PPP2R3B: variants seen among roughly 807,000 people sequenced by gnomAD.
The protein encoded by PPP2R3B is protein phosphatase 2 regulatory subunit B''beta, also known as serine/threonine-protein phosphatase 2A regulatory subunit B'' subunit beta.
A neutral mutation model predicts 72.9 loss-of-function variants in PPP2R3B; 68 were observed. The ratio of observed to expected loss-of-function variants is 0.93; its 90% CI spans 0.77 to 1.14. The LOEUF (loss-of-function observed/expected upper bound fraction) is 1.14, where lower values mean the gene tolerates loss of function less well. Ranked by LOEUF, PPP2R3B falls within the 50% of genes most tolerant of loss-of-function variation. The pLI is 0.00. For missense variants in PPP2R3B, 1,018 were observed against 842.0 expected, an observed-to-expected ratio of 1.21 and a Z score of -2.59; for synonymous variants, 466 against 375.8, an observed-to-expected ratio of 1.24 and a Z score of -2.78.
At chrX:341,450 C>A in intron 8 of PPP2R3B, 54 bp from the exon 9 acceptor site, 1 of 1,586,856 alleles carries the variant, frequency 6.3e-7, no homozygotes, top group South Asian at 1.1e-5. Flanking sequence ...GAGAGCTTCA[C>A]AGGAACGGAG....
chrX:357,606 C>T (rs2071462959), intron 2 of PPP2R3B, among the ~76,000 whole-genome samples: 1 of 151,986 alleles, frequency 6.6e-6, no homozygotes, highest in African/African-American at 2.4e-5. Context: ...GTAAATCGTA[C>T]AAGACAAGGA....
intron 2 of PPP2R3B, among the ~76,000 whole-genome samples, chrX:352,036 G>C (rs1441095853): frequency 1.3e-5 from 2 of 152,154 alleles, no homozygotes; most frequent in Non-Finnish European, 2.9e-5. Context: ...CTGAGCGGGA[G>C]AGTGCTGGGC....
At chrX:350,073 G>C (rs1391851218) in intron 2 of PPP2R3B, among the ~76,000 whole-genome samples, 5 of 152,216 alleles carry the variant, frequency 3.3e-5, no homozygotes, top group Non-Finnish European at 7.3e-5. Flanking sequence ...CCAAGTTGGT[G>C]GATATGAGTC....
At chrX:363,226 G>GATCCCACAGTGCATCTCCCCGAGCCCA (rs1569403425) in intron 1 of PPP2R3B, among the ~76,000 whole-genome samples, 14 of 5,626 alleles carry the variant, frequency 2.5e-3, no homozygotes, top group African/African-American at 3.7e-3. Flanking sequence ...CCCCGAGCCC[G>GATCCCACAGTGCATCTCCCCGAGCCCA]CGATCCCACA....
chrX:338,942 C>T (rs5989639), intron 10 of PPP2R3B, 46 bp from the exon 11 acceptor site: 2 of 1,528,958 alleles, frequency 1.3e-6, no homozygotes, highest in African/African-American at 1.4e-5. Context: ...CCGGTCTCAC[C>T]TTCGGGGCCT....
chrX:354,767 A>G (rs752986361), intron 2 of PPP2R3B, among the ~76,000 whole-genome samples: 2 of 152,276 alleles, frequency 1.3e-5, no homozygotes, highest in South Asian at 4.2e-4. Flanking sequence ...TGGGTGGATC[A>G]CTGGAGCCCA....
intron 9 of PPP2R3B, 116 bp from the exon 10 acceptor site, chrX:341,056 C>G: frequency 2.8e-6 from 4 of 1,424,876 alleles, no homozygotes; most frequent in Non-Finnish European, 3.8e-6. Context: ...CTTGCAGCCC[C>G]CACCGGGCGT....
At chrX:348,641 T>G (rs1341563051) in intron 2 of PPP2R3B, among the ~76,000 whole-genome samples, 1 of 151,198 alleles carries the variant, frequency 6.6e-6, no homozygotes, top group Non-Finnish European at 1.5e-5. Context: ...CATCAGATAG[T>G]GGATGCTCAT....
chrX:364,623 C>A (rs1220155558), intron 1 of PPP2R3B, among the ~76,000 whole-genome samples: 3 of 145,916 alleles, frequency 2.1e-5, no homozygotes, highest in Non-Finnish European at 4.5e-5. Flanking sequence ...GAGGCTGAGG[C>A]AGGAGAATCG....
At chrX:375,706 A>G (rs1361100777) in intron 1 of PPP2R3B, among the ~76,000 whole-genome samples, 1 of 152,172 alleles carries the variant, frequency 6.6e-6, no homozygotes, top group African/African-American at 2.4e-5. Context: ...TTGGGAGCCA[A>G]CCTCCTGTGA....
At position 334,365 on chromosome X, in the gene PPP2R3B, CG is replaced by C. The variant is rs1161675458; in HGVS notation, c.*1del. The C allele has an allele frequency of 6.7e-7, 1 of 1,496,136 alleles. No homozygotes were observed. The highest frequency in any genetic ancestry group is 8.9e-7 in the Non-Finnish European group (1 of 1,128,518). 92.7% of individuals were successfully genotyped at this position (1,496,136 alleles called of 1,614,324 possible). ...CCCGCGGCGGCGTTCTCGCGGGCGG[CG>C]TCACAGCGGCTCCAGGTCCTCGTCC... On this transcript the variant is annotated 3_prime_UTR_variant, in exon 13 of 13. Transcript: ENST00000390665.
At position 341,788 on chromosome X, in the gene PPP2R3B, G is replaced by A. The variant is rs2071084027; in HGVS notation, c.1085+95C>T. Reference sequence around the variant, plus strand: ...CCTGGGGTGACAACCACTCGCTGTCGGGGCACAAAAAGCTCACGTCAGGCA... The same window carrying A: ...CCTGGGGTGACAACCACTCGCTGTCAGGGCACAAAAAGCTCACGTCAGGCA... On this transcript the variant is annotated intron_variant, in intron 8 of 12. Transcript: ENST00000390665. The A allele has an allele frequency of 3.7e-6, 5 of 1,347,822 alleles. No individual in the cohort carries two copies. The South Asian group carries it at 5.8e-5, about 16-fold the overall frequency. The allele number at this position is 1,347,822 out of a possible 1,614,324, so 83.5% of individuals were successfully genotyped here. A position where few individuals can be genotyped will look rare whatever the true frequency, so the allele number is the denominator to read the frequency against.
At chrX:371,546 T>G (rs2071864576) in intron 1 of PPP2R3B, among the ~76,000 whole-genome samples, 1 of 151,464 alleles carries the variant, frequency 6.6e-6, no homozygotes, top group Non-Finnish European at 1.5e-5. Context: ...AAGATCAAGC[T>G]CAGGAGCACC....
chrX:374,769 C>A (rs1330236175), intron 1 of PPP2R3B, among the ~76,000 whole-genome samples: 1 of 152,174 alleles, frequency 6.6e-6, no homozygotes, highest in Non-Finnish European at 1.5e-5. Flanking sequence ...CACCCCGAGT[C>A]AACAGCGTGC....
At chrX:383,765 G>A (rs1172686422) in intron 1 of PPP2R3B, among the ~76,000 whole-genome samples, 1 of 147,966 alleles carries the variant, frequency 6.8e-6, no homozygotes, top group African/African-American at 2.5e-5. Flanking sequence ...GTGAACCCGG[G>A]AGGCGGAGCT....
intron 2 of PPP2R3B, among the ~76,000 whole-genome samples, chrX:354,190 C>T (rs1271213946): frequency 2.8e-5 from 4 of 140,744 alleles, no homozygotes; most frequent in Non-Finnish European, 6.2e-5. Flanking sequence ...ACCCAAACAC[C>T]GGGGGCTCAC....
rs765721870 is a variant in PPP2R3B at position 347,632 on chromosome X, G to A, written c.572C>T (p.Thr191Met). Residue 191 changes from threonine to methionine, a missense_variant, in exon 3 of 13, where the codon ACG becomes ATG. Thr to Met is a moderately conservative substitution (Grantham distance 81). Coordinates refer to ENST00000390665, the MANE Select transcript of PPP2R3B (RefSeq NM_013239.5). ...PLFYGAGGER[T>M]GSVSVHKFVA... The stretch of plus-strand genomic sequence containing the variant: ...GAACTTGTGGACGGACACGGAGCCC[G>A]TGCGCTCCCCGCCGGCGCCATAGAA... 1.3e-5 allele frequency: 21 copies of A among 1,576,394 alleles called. No homozygotes were observed. The highest frequency in any genetic ancestry group is 2.7e-5 in the African/African-American group (2 of 74,244).
At chrX:338,486 C>T (rs2070950713) in intron 12 of PPP2R3B, 118 bp downstream of exon 12, 4 of 1,061,824 alleles carry the variant, frequency 3.8e-6, no homozygotes, top group East Asian at 2.6e-5. Context: ...GCGCACCCCA[C>T]CTGACTGACC....
At chrX:336,926 TC>T (rs2070905416) in intron 12 of PPP2R3B, 1 of 151,944 alleles carries the variant, frequency 6.6e-6, no homozygotes, top group Admixed American at 6.6e-5. Context: ...ATCCATTCAC[TC>T]AGCGAGATCT....
Sources: allele counts gnomAD v4.1 joint callset (sites outside exome capture counted in the v4.1 genomes callset), GRCh38; gene constraint gnomAD v4.1.1; transcripts MANE v1.5; gene names NCBI Gene and HGNC (gene_info 2026-07-23, HGNC 2026-07-21).